The following PRKX variants were observed in gnomAD, a reference collection of about 807,000 sequenced individuals.
PRKX encodes protein kinase cAMP-dependent X-linked catalytic subunit.
In PRKX, 12 loss-of-function variants were observed where a neutral mutation model predicts 22.0. That is an observed-to-expected ratio of 0.54 (90% CI 0.35 to 0.88). The LOEUF (loss-of-function observed/expected upper bound fraction) is 0.88, where lower values mean the gene tolerates loss of function less well. Ranked by LOEUF, PRKX falls within the 40% of genes least tolerant of loss-of-function variation. The pLI, the probability that PRKX is intolerant of heterozygous loss-of-function variation, is 0.01. For synonymous variants in PRKX, 134 were observed against 137.7 expected, an observed-to-expected ratio of 0.97 and a Z score of 0.19; for missense variants, 217 against 308.0, an observed-to-expected ratio of 0.70 and a Z score of 2.21.
chrX:3,616,342 A>G (rs1408355825), intron 6 of PRKX, among the ~76,000 whole-genome samples: 2 of 111,216 alleles, frequency 1.8e-5, no homozygotes, highest in Admixed American at 1.9e-4. Flanking sequence ...GGGAACTCAA[A>G]CCAAGGATGT....
chrX:3,618,178 G>T (rs763142097), intron 6 of PRKX, among the ~76,000 whole-genome samples: 1 of 110,896 alleles, frequency 9.0e-6, no homozygotes, highest in South Asian at 3.9e-4. Flanking sequence ...AGAGTAGAAT[G>T]GTGGATACCA....
At chrX:3,688,007 C>T (rs370075297) in intron 1 of PRKX, among the ~76,000 whole-genome samples, 26 of 112,262 alleles carry the variant, frequency 2.3e-4, no homozygotes, top group African/African-American at 8.4e-4. Flanking sequence ...ACAGCACATG[C>T]CTGTAATCCC....
intron 4 of PRKX, among the ~76,000 whole-genome samples, chrX:3,632,271 G>A (rs942414649): frequency 1.8e-5 from 2 of 111,350 alleles, no homozygotes; most frequent in African/African-American, 3.3e-5. Flanking sequence ...CCACCACAAC[G>A]TACTGAAAAA....
At chrX:3,641,383 G>A (rs1167144666) in intron 4 of PRKX, 1 of 121,827 alleles carries the variant, frequency 8.2e-6, no homozygotes, top group East Asian at 2.6e-4. Context: ...AGCTCTGCAG[G>A]TTACTTCAGA....
chrX:3,666,478 G>C (rs939020408), intron 2 of PRKX, among the ~76,000 whole-genome samples: 2 of 111,637 alleles, frequency 1.8e-5, no homozygotes, highest in African/African-American at 6.5e-5. Context: ...TTTTAAAAAT[G>C]GTTAAAATGA....
chrX:3,711,207 A>G (rs1366319502), intron 1 of PRKX, among the ~76,000 whole-genome samples: 1 of 109,912 alleles, frequency 9.1e-6, no homozygotes, highest in Non-Finnish European at 1.9e-5. Context: ...CTGTCCAATG[A>G]GTGTGGGATA....
intron 1 of PRKX, among the ~76,000 whole-genome samples, chrX:3,678,650 C>T (rs1928012207): frequency 8.9e-6 from 1 of 111,874 alleles, no homozygotes; most frequent in Non-Finnish European, 1.9e-5. Flanking sequence ...AGAAGTATGT[C>T]GGTAAACAAC....
chrX:3,676,906 C>T lies in PRKX; in HGVS notation c.167-2140G>A, dbSNP rs1043618085. ...TCTTCTTGCCTGCTGTCATGTAAGA[C>T]GTGACTTTGCTCCTCCTTTTACCTT... On this transcript the variant is annotated intron_variant, in intron 1 of 8. Coordinates refer to ENST00000262848, the MANE Select transcript of PRKX (RefSeq NM_005044.5). Among the ~76,000 whole-genome samples, 8 of 112,132 alleles carry T rather than the reference C, an allele frequency of 7.1e-5. No individual in the cohort carries two copies. In the Admixed American group the frequency reaches 7.6e-4, roughly 11 times the overall value.
At chrX:3,685,007 G>T (rs1356419694) in intron 1 of PRKX, among the ~76,000 whole-genome samples, 3 of 110,940 alleles carry the variant, frequency 2.7e-5, no homozygotes, top group Non-Finnish European at 3.8e-5. Flanking sequence ...AGTAGAGATG[G>T]GGTTTAACCA....
intron 1 of PRKX, among the ~76,000 whole-genome samples, chrX:3,676,192 C>G (rs1352160925): frequency 8.9e-6 from 1 of 111,926 alleles, no homozygotes; most frequent in African/African-American, 3.3e-5. Context: ...TAAAACAAAA[C>G]TGCCCTCCCG....
chrX:3,617,397 A>G (rs1371320807), intron 6 of PRKX, among the ~76,000 whole-genome samples: 4 of 110,042 alleles, frequency 3.6e-5, no homozygotes, highest in African/African-American at 1.3e-4. Context: ...ATATTCCAGC[A>G]CTTTGGGAGG....
At chrX:3,630,095 C>G in intron 4 of PRKX, among the ~76,000 whole-genome samples, 1 of 112,159 alleles carries the variant, frequency 8.9e-6, no homozygotes, top group Non-Finnish European at 1.9e-5. Context: ...CAGAAACCAG[C>G]AGACTTTACT....
chrX:3,682,498 C>A (rs186923677), intron 1 of PRKX, among the ~76,000 whole-genome samples: 3 of 110,621 alleles, frequency 2.7e-5, no homozygotes, highest in African/African-American at 9.9e-5. Context: ...TTGAGACCAG[C>A]CTGGGCAACA....
chrX:3,668,850 A>C, intron 2 of PRKX, among the ~76,000 whole-genome samples: 1 of 112,664 alleles, frequency 8.9e-6, no homozygotes, highest in South Asian at 3.7e-4. Flanking sequence ...GGGACTCCAC[A>C]CGCACAGGTA....
chrX:3,654,888 G>A (rs1035522826), intron 3 of PRKX, among the ~76,000 whole-genome samples: 1 of 110,927 alleles, frequency 9.0e-6, no homozygotes, highest in Non-Finnish European at 1.9e-5. Flanking sequence ...GATCAATAGC[G>A]GATATGTGGT....
intron 4 of PRKX, among the ~76,000 whole-genome samples, chrX:3,631,158 T>TTCCTGACC (rs1159801796): frequency 1.2e-4 from 14 of 112,328 alleles, no homozygotes; most frequent in African/African-American, 4.5e-4. Context: ...TCCAAATCAC[T>TTCCTGACC]TCCTGACCTT....
intron 2 of PRKX, among the ~76,000 whole-genome samples, chrX:3,673,776 T>C (rs1006292147): frequency 9.0e-6 from 1 of 111,127 alleles, no homozygotes; most frequent in African/African-American, 3.3e-5. Context: ...AATCCCTATG[T>C]TGGATCCTCA....
intron 2 of PRKX, among the ~76,000 whole-genome samples, chrX:3,668,464 T>G (rs1235471297): frequency 8.9e-6 from 1 of 112,080 alleles, no homozygotes; most frequent in Non-Finnish European, 1.9e-5. Flanking sequence ...GGAATGATTT[T>G]ACTCCTACCC....
chrX:3,633,975 C>T (rs899725802), intron 4 of PRKX, among the ~76,000 whole-genome samples: 3 of 111,892 alleles, frequency 2.7e-5, no homozygotes, highest in East Asian at 5.6e-4. Context: ...TTAGGCCAGG[C>T]GTGGTGGCTC....
Sources: allele counts gnomAD v4.1 joint callset (sites outside exome capture counted in the v4.1 genomes callset), GRCh38; gene constraint gnomAD v4.1.1; transcripts MANE v1.5; gene names NCBI Gene and HGNC (gene_info 2026-07-23, HGNC 2026-07-21).